ARAP2: variants seen among roughly 807,000 people sequenced by gnomAD.
The protein encoded by ARAP2 is arf-GAP with Rho-GAP domain, ANK repeat and PH domain-containing protein 2.
A neutral mutation model predicts 194.5 loss-of-function variants in ARAP2; 148 were observed. The observed-to-expected ratio is 0.76, with a 90% CI of 0.67 to 0.87. The LOEUF (loss-of-function observed/expected upper bound fraction) is 0.87, where lower values mean the gene tolerates loss of function less well. Ranked by LOEUF, ARAP2 falls within the 40% of genes least tolerant of loss-of-function variation. ARAP2 has a pLI of 0.00. For synonymous variants in ARAP2, 695 were observed against 683.5 expected, an observed-to-expected ratio of 1.02 and a Z score of -0.26; for missense variants, 2,128 against 1,989.7, an observed-to-expected ratio of 1.07 and a Z score of -1.32.
chr4:36,170,357 G>A (rs1015445281), intron 9 of ARAP2, among the ~76,000 whole-genome samples: 1 of 152,228 alleles, frequency 6.6e-6, no homozygotes, highest in African/African-American at 2.4e-5. Flanking sequence ...GGAGGCCAAG[G>A]TGAGAGGATT....
chr4:36,015,640 G>A (rs28714321), intron 7 of ARAP2: 3 of 152,136 alleles, frequency 2.0e-5, no homozygotes, highest in East Asian at 1.9e-4. Flanking sequence ...AATCTGCAAG[G>A]TAATTCATGG....
rs1159955203 is a variant in ARAP2, at chr4:36,067,719, A to G, written c.*188T>C. On this transcript the variant is annotated 3_prime_UTR_variant, in exon 33 of 33. Coordinates refer to ENST00000303965, the MANE Select transcript of ARAP2 (RefSeq NM_015230.4). ...TTACAAGGTTTGTTCAGACCAAAAT[A>G]AAGTTAATCTTACATTCAGTCACAT... 1.7e-6 allele frequency: 1 copy of G among 571,924 alleles called. No individual in the cohort carries two copies. Among genetic ancestry groups the G allele is most frequent in the Non-Finnish European group, 2.9e-6 (1 of 350,108 alleles). The allele number at this position is 571,924 out of a possible 1,614,324, so 35.4% of individuals were successfully genotyped here.
At chr4:36,038,752 T>C (rs1484319622) in intron 5 of ARAP2, among the ~76,000 whole-genome samples, 7 of 152,218 alleles carry the variant, frequency 4.6e-5, no homozygotes, top group Non-Finnish European at 8.8e-5. Flanking sequence ...AATTACTTTC[T>C]GCTTTGGAAG....
chr4:36,093,992 C>T (rs904070455), intron 27 of ARAP2, among the ~76,000 whole-genome samples: 2 of 152,128 alleles, frequency 1.3e-5, no homozygotes, highest in Non-Finnish European at 2.9e-5. Context: ...AGAGAAGCCC[C>T]CTCACATTTC....
chr4:36,148,979 G>T (rs1041448362), intron 16 of ARAP2, among the ~76,000 whole-genome samples: 1 of 152,112 alleles, frequency 6.6e-6, no homozygotes, highest in African/African-American at 2.4e-5. Flanking sequence ...TCCTAAGAAA[G>T]ATAAATTTTC....
At chr4:36,204,963 G>A (rs1745209681) in intron 6 of ARAP2, among the ~76,000 whole-genome samples, 1 of 111,784 alleles carries the variant, frequency 8.9e-6, no homozygotes, top group Non-Finnish European at 1.6e-5. Context: ...ACTCCAGCCT[G>A]GGCAACCGAG....
At chr4:36,243,929 T>C (rs902973779) in intron 1 of ARAP2, 1 of 152,254 alleles carries the variant, frequency 6.6e-6, no homozygotes, top group Non-Finnish European at 1.5e-5. Context: ...TCCAGCTGTC[T>C]ATCCGGATCC....
intron 31 of ARAP2, among the ~76,000 whole-genome samples, chr4:36,079,019 C>CA (rs1420022735): frequency 6.6e-6 from 1 of 151,582 alleles, no homozygotes; most frequent in African/African-American, 2.4e-5. Flanking sequence ...ACTAAAAATA[C>CA]AAAAATTAGC....
At chr4:36,235,628 T>C (rs976270658) in intron 1 of ARAP2, among the ~76,000 whole-genome samples, 9 of 152,240 alleles carry the variant, frequency 5.9e-5, no homozygotes, top group African/African-American at 2.2e-4. Flanking sequence ...TTGTCTACTG[T>C]TCACTGCTCA....
intron 1 of ARAP2, chr4:36,243,775 G>A (rs1754048776): frequency 6.6e-6 from 1 of 152,180 alleles, no homozygotes; most frequent in Non-Finnish European, 1.5e-5. Context: ...CAGGCCAGTC[G>A]TCTTAACGTG....
intron 9 of ARAP2, among the ~76,000 whole-genome samples, chr4:36,175,883 AC>A (rs1185676044): frequency 6.6e-6 from 1 of 151,998 alleles, no homozygotes; most frequent in Non-Finnish European, 1.5e-5. Flanking sequence ...CACTGACCTC[AC>A]CATCCATCAT....
At chr4:36,071,822 G>A (rs1727028143) in intron 32 of ARAP2, among the ~76,000 whole-genome samples, 1 of 151,156 alleles carries the variant, frequency 6.6e-6, no homozygotes, top group African/African-American at 2.4e-5. Context: ...CTAGCATTAG[G>A]TATATCTCCC....
At chr4:36,012,178 T>C (rs1158344770) in intron 9 of ARAP2, among the ~76,000 whole-genome samples, 1 of 152,204 alleles carries the variant, frequency 6.6e-6, no homozygotes, top group Admixed American at 6.5e-5. Flanking sequence ...TTAGAAAATG[T>C]TATGGTTTTC....
intron 19 of ARAP2, among the ~76,000 whole-genome samples, chr4:36,136,828 T>C (rs61798155): frequency 0.3 from 45,306 of 149,294 alleles, 8,063 homozygotes; most frequent in East Asian, 0.47. Context: ...TGCGTGTCTG[T>C]GTATCTCAGT....
At chr4:36,241,502 T>C (rs1438689817) in intron 1 of ARAP2, among the ~76,000 whole-genome samples, 1 of 152,176 alleles carries the variant, frequency 6.6e-6, no homozygotes, top group Non-Finnish European at 1.5e-5. Context: ...ACTGTCTCAT[T>C]TGACAACAGT....
intron 7 of ARAP2, among the ~76,000 whole-genome samples, chr4:36,190,861 A>G (rs1741723123): frequency 1.3e-5 from 2 of 152,238 alleles, no homozygotes; most frequent in African/African-American, 2.4e-5. Flanking sequence ...TAAAAAGATC[A>G]TTAGGCAGAG....
At chr4:36,198,784 G>A (rs1743737614) in intron 6 of ARAP2, among the ~76,000 whole-genome samples, 1 of 152,196 alleles carries the variant, frequency 6.6e-6, no homozygotes. Flanking sequence ...GTAGGTAGGG[G>A]GTGGCCTTCT....
At chr4:36,212,812 A>C (rs749875974) in intron 4 of ARAP2, among the ~76,000 whole-genome samples, 149 of 152,168 alleles carry the variant, frequency 9.8e-4, no homozygotes, top group Non-Finnish European at 1.5e-3. Context: ...ATCAAGACCA[A>C]GAAATAAAGT....
chr4:36,107,742 A>C (rs1228011834), intron 26 of ARAP2, 49 bp from the exon 27 acceptor site: 1 of 1,517,702 alleles, frequency 6.6e-7, no homozygotes, highest in African/African-American at 1.4e-5. Flanking sequence ...GAGGATAACA[A>C]TTTTTTATTT....
Sources: gnomAD v4.1 joint callset for allele counts (sites outside exome capture counted in the v4.1 genomes callset) on GRCh38, gnomAD v4.1.1 for gene constraint, MANE v1.5 for transcripts, NCBI Gene and HGNC (gene_info 2026-07-23, HGNC 2026-07-21) for gene names.